The following KAT2B variants were observed in gnomAD, a reference collection of about 807,000 sequenced individuals.
KAT2B encodes lysine acetyltransferase 2B.
A neutral mutation model predicts 105.9 loss-of-function variants in KAT2B; 36 were observed. The ratio of observed to expected loss-of-function variants is 0.34; its 90% CI spans 0.26 to 0.45. The LOEUF (loss-of-function observed/expected upper bound fraction) is 0.45. KAT2B is among the 20% of genes least tolerant of loss of function. The pLI, the probability that KAT2B is intolerant of heterozygous loss-of-function variation, is 1.00. For missense variants in KAT2B, 820 were observed against 1,021.6 expected (o/e 0.80, Z 2.69); for synonymous variants, 397 against 377.9 (o/e 1.05, Z -0.59).
intron 2 of KAT2B, among the ~76,000 whole-genome samples, chr3:20,085,683 G>A (rs113710657): frequency 0.028 from 4,246 of 151,772 alleles, 173 homozygotes; most frequent in African/African-American, 0.097. Context: ...GCTATTTTTT[G>A]TGTTTTTAGT....
Position 20,040,549 on chromosome 3 carries a change from G to A in KAT2B, c.72G>A (p.Ala24=). The change falls in exon 1 of 18, where the codon GCG becomes GCA. Residue 24 remains alanine (A), a synonymous_variant. Coordinates refer to ENST00000263754, the MANE Select transcript of KAT2B (RefSeq NM_003884.5). The stretch of plus-strand genomic sequence containing the variant: ...CCGGGGCAGGGGCCGGGCCCGGGGC[G>A]CTGCCCCCGCAGCCTGCGGCGCTTC... ...AGAGAGAGPG[A]LPPQPAALPP... is the part of the protein sequence containing the mutation. 9.8e-7 allele frequency: 1 copy of A among 1,023,404 alleles called. No individual in the cohort carries two copies. Among genetic ancestry groups the A allele is most frequent in the Admixed American group, 5.7e-5 (1 of 17,664 alleles). 63.4% of individuals were successfully genotyped at this position (1,023,404 alleles called of 1,614,324 possible). A position where few individuals can be genotyped will look rare whatever the true frequency, so the allele number is the denominator to read the frequency against.
At chr3:20,122,827 G>T (rs1490215461) in intron 9 of KAT2B, 23 bp downstream of exon 9, 3 of 1,595,686 alleles carry the variant, frequency 1.9e-6, no homozygotes, top group African/African-American at 1.3e-5. Context: ...AACCTGGGCA[G>T]CCAGCTGGTA....
chr3:20,074,527 ATGATTATTGGC>A (rs747749933), intron 2 of KAT2B, among the ~76,000 whole-genome samples: 4 of 152,222 alleles, frequency 2.6e-5, no homozygotes, highest in Non-Finnish European at 5.9e-5. Flanking sequence ...ATGTAAATAC[ATGATTATTGGC>A]TGATGTTGTT....
At chr3:20,090,646 A>G (rs1698700331) in intron 2 of KAT2B, among the ~76,000 whole-genome samples, 1 of 152,118 alleles carries the variant, frequency 6.6e-6, no homozygotes, top group Non-Finnish European at 1.5e-5. Context: ...ATTGGCCTGT[A>G]ATATTCTTTT....
intron 1 of KAT2B, among the ~76,000 whole-genome samples, chr3:20,045,625 C>G (rs1173865482): frequency 2.0e-5 from 3 of 152,116 alleles, no homozygotes; most frequent in Admixed American, 6.5e-5. Flanking sequence ...AAAAGAGAAA[C>G]AAAACCCATT....
intron 5 of KAT2B, among the ~76,000 whole-genome samples, chr3:20,107,895 G>A (rs1442694044): frequency 7.2e-6 from 1 of 138,102 alleles, no homozygotes; most frequent in Non-Finnish European, 1.5e-5. Flanking sequence ...TGCAACCTTC[G>A]CCTCCCAGGT....
At chr3:20,089,924 T>G (rs1253603648) in intron 2 of KAT2B, among the ~76,000 whole-genome samples, 1 of 151,878 alleles carries the variant, frequency 6.6e-6, no homozygotes, top group Non-Finnish European at 1.5e-5. Flanking sequence ...AAGGATTGCT[T>G]GAGCCCAGAA....
intron 1 of KAT2B, among the ~76,000 whole-genome samples, chr3:20,061,169 A>G (rs978175033): frequency 1.3e-5 from 2 of 152,126 alleles, no homozygotes; most frequent in African/African-American, 4.8e-5. Context: ...CTCGGCAACC[A>G]CCATTCCTAT....
At chr3:20,041,595 A>C (rs1180861231) in intron 1 of KAT2B, among the ~76,000 whole-genome samples, 2 of 152,028 alleles carry the variant, frequency 1.3e-5, no homozygotes, top group South Asian at 2.1e-4. Flanking sequence ...TGTGTTCCCG[A>C]GGTGGGAGGA....
Position 20,149,495 on chromosome 3 carries a change from C to CAAAAAAAAAAAAAAA in KAT2B, c.2305+1019_2305+1033dup, listed in dbSNP as rs56091316. ...TGGGCACTGGAGGGAGACCGTATCT[C>CAAAAAAAAAAAAAAA]AAAAAAAAAAAAAAAAAAAAAAAAA... On this transcript the variant is annotated intron_variant, in intron 17 of 17. Coordinates refer to ENST00000263754, the MANE Select transcript of KAT2B (RefSeq NM_003884.5). Among the ~76,000 whole-genome samples, 185 of 42,426 alleles carry CAAAAAAAAAAAAAAA rather than the reference C, an allele frequency of 4.4e-3. 24 individuals carry two copies. The East Asian group carries it at 0.055, about 13-fold the overall frequency. The allele number at this position is 42,426 out of a possible 152,430, so 27.8% of individuals were successfully genotyped here.
chr3:20,113,602 A>T (rs1699157703), intron 6 of KAT2B, among the ~76,000 whole-genome samples: 2 of 152,176 alleles, frequency 1.3e-5, no homozygotes. Flanking sequence ...TTCACCGAAT[A>T]TGACAACATT....
chr3:20,095,215 T>TG, intron 2 of KAT2B, 48 bp from the exon 3 acceptor site: 1 of 1,515,198 alleles, frequency 6.6e-7, no homozygotes. Context: ...GGGGAATGTT[T>TG]GGTTTCCAAT....
At chr3:20,123,658 C>T (rs1181753273) in intron 9 of KAT2B, among the ~76,000 whole-genome samples, 1 of 152,186 alleles carries the variant, frequency 6.6e-6, no homozygotes, top group Non-Finnish European at 1.5e-5. Context: ...GTTGAAGGAT[C>T]AGTTAGGGAT....
intron 1 of KAT2B, among the ~76,000 whole-genome samples, chr3:20,048,910 C>T (rs149724448): frequency 0.04 from 6,142 of 151,936 alleles, 398 homozygotes; most frequent in African/African-American, 0.14. Context: ...CTTGCTCTGT[C>T]GCCAGGCTGG....
chr3:20,117,481 C>T (rs908745693), intron 7 of KAT2B, among the ~76,000 whole-genome samples: 1 of 152,166 alleles, frequency 6.6e-6, no homozygotes, highest in African/African-American at 2.4e-5. Flanking sequence ...AGAGCTTTCT[C>T]TTTGTTCAGA....
intron 3 of KAT2B, among the ~76,000 whole-genome samples, chr3:20,096,709 T>C (rs1262388270): frequency 1.3e-5 from 2 of 152,154 alleles, no homozygotes; most frequent in Non-Finnish European, 2.9e-5. Context: ...CTCTTTTGCT[T>C]TGGCTGCTAG....
intron 5 of KAT2B, among the ~76,000 whole-genome samples, chr3:20,101,743 A>G (rs990901127): frequency 6.6e-6 from 1 of 152,208 alleles, no homozygotes; most frequent in African/African-American, 2.4e-5. Flanking sequence ...GATTTCTATG[A>G]TTGTACCAAA....
chr3:20,111,677 G>A lies in KAT2B; in HGVS notation c.933G>A (p.Leu311=), dbSNP rs776924379. 1.2e-6 allele frequency: 2 copies of A among 1,614,066 alleles called. No individual in the cohort carries two copies. Among genetic ancestry groups the A allele is most frequent in the Non-Finnish European group, 1.7e-6 (2 of 1,179,952 alleles). The change falls in exon 6 of 18, where the codon TTG becomes TTA. Residue 311 remains leucine (L), a synonymous_variant. Coordinates refer to ENST00000263754, the MANE Select transcript of KAT2B (RefSeq NM_003884.5). ...YETTQVFGRT[L]LRSVFTVMRR... ...CCACACAGGTGTTTGGGAGAACATT[G>A]CTTCGCTCGGTCTTCACTGTTATGA...
chr3:20,101,322 C>T lies in KAT2B; in HGVS notation c.705C>T (p.His235=), dbSNP rs753746527. The T allele has an allele frequency of 1.9e-6, 3 of 1,614,038 alleles. No homozygotes were observed. The highest frequency in any genetic ancestry group is 2.5e-6 in the Non-Finnish European group (3 of 1,179,998). ...ACTTTGTGCAGTACAAATTTAGTCA[C>T]CTGCCAGCAAAAGAAAGGCAAACAA... The part of the protein sequence containing the change: ...VNNFVQYKFS[H]LPAKERQTIV... Residue 235 remains histidine, a synonymous_variant, in exon 5 of 18, where the codon CAC becomes CAT. Transcript: ENST00000263754.
Sources: allele counts gnomAD v4.1 joint callset (sites outside exome capture counted in the v4.1 genomes callset), GRCh38; gene constraint gnomAD v4.1.1; transcripts MANE v1.5; gene names NCBI Gene and HGNC (gene_info 2026-07-23, HGNC 2026-07-21).